The following KCNQ1 variants were observed in gnomAD, a reference collection of about 807,000 sequenced individuals.
The protein encoded by KCNQ1 is potassium voltage-gated channel subfamily Q member 1, also known as potassium voltage-gated channel subfamily KQT member 1.
Under a neutral mutation model 72.4 loss-of-function variants are expected in KCNQ1, and 49 were observed. The observed-to-expected ratio is 0.68, with a 90% CI of 0.54 to 0.86. The LOEUF (loss-of-function observed/expected upper bound fraction) is 0.86, where lower values mean the gene tolerates loss of function less well. Ranked by LOEUF, KCNQ1 falls within the 40% of genes least tolerant of loss-of-function variation. The pLI is 0.00. For synonymous variants in KCNQ1, 450 were observed against 412.6 expected (o/e 1.09, Z -1.10); for missense variants, 790 against 945.1 (o/e 0.84, Z 2.15).
In KCNQ1 at chr11:2,471,634, G is replaced by A. The variant is rs547201278; in HGVS notation, c.386+26150G>A. Among the ~76,000 whole-genome samples the A allele has an allele frequency of 4.6e-5, 7 of 151,258 alleles. No homozygotes were observed. The highest frequency in any genetic ancestry group is 7.3e-5 in the African/African-American group (3 of 41,212). ...TATATGGGTGTGTGCACGTATGCAC[G>A]GATGTGTGTACACATGTGTATGGGT... is the stretch of plus-strand genomic sequence containing the variant. On this transcript the variant is annotated intron_variant, in intron 1 of 15. Transcript: ENST00000155840. The surrounding 1 kb of genome is among the most constrained non-coding windows in gnomAD (Gnocchi z 4.8).
In KCNQ1 at chr11:2,772,299, G is replaced by A. The variant is rs1256822331; in HGVS notation, c.1590+3380G>A. Among the ~76,000 whole-genome samples, 8 of 152,116 alleles carry A rather than the reference G, an allele frequency of 5.3e-5. No individual in the cohort carries two copies. Among genetic ancestry groups the A allele is most frequent in the Non-Finnish European group, 1.0e-4 (7 of 68,016 alleles). Reference sequence around the variant, plus strand: ...AGGTGACCCCTCTGCCTACCTTGCTGGCTGATAAGTCCTTGGCCAACCACC... The same window carrying A: ...AGGTGACCCCTCTGCCTACCTTGCTAGCTGATAAGTCCTTGGCCAACCACC... On this transcript the variant is annotated intron_variant, in intron 12 of 15. Transcript: ENST00000155840. This position sits in a 1 kb window ranked among gnomAD's most constrained non-coding sequence, Gnocchi z 6.6.
intron 11 of KCNQ1, among the ~76,000 whole-genome samples, chr11:2,732,322 G>A (rs374087593): frequency 9.2e-5 from 14 of 152,156 alleles, no homozygotes; most frequent in African/African-American, 2.2e-4. Flanking sequence ...AAGCTGCCCC[G>A]TGGGCACTGC....
At position 2,782,914 on chromosome 11, in the gene KCNQ1, C is replaced by T. The variant is rs1846848316; in HGVS notation, c.1794+4877C>T. ...TCTCTATTGTGATTTTGTTTTGTTT[C>T]ATTCACTTCTGTTTATTTTATTCCT... is the stretch of plus-strand genomic sequence containing the variant. On this transcript the variant is annotated intron_variant, in intron 15 of 15. Transcript: ENST00000155840. The surrounding 1 kb of genome is among the most constrained non-coding windows in gnomAD (Gnocchi z 6.1). Among the ~76,000 whole-genome samples, 1 of 151,928 alleles carries T rather than the reference C, an allele frequency of 6.6e-6. No individual in the cohort carries two copies. The highest frequency in any genetic ancestry group is 1.5e-5 in the Non-Finnish European group (1 of 67,944).
Position 2,588,598 on chromosome 11 carries a change from C to A in KCNQ1, c.1252-115C>A. On this transcript the variant is annotated intron_variant, in intron 9 of 15. Coordinates refer to ENST00000155840, the MANE Select transcript of KCNQ1 (RefSeq NM_000218.3). This position sits in a 1 kb window ranked among gnomAD's most constrained non-coding sequence, Gnocchi z 5.6. ...TGGCCCCAGGCCTCAGGTCCCTGTC[C>A]GGGTGTATGTGGCGGGGGCTGGGCT... is the stretch of plus-strand genomic sequence containing the variant. 1 of 1,293,068 alleles carries A rather than the reference C, an allele frequency of 7.7e-7. No individual in the cohort carries two copies. The highest frequency in any genetic ancestry group is 1.1e-6 in the Non-Finnish European group (1 of 909,472). The allele number at this position is 1,293,068 out of a possible 1,614,324, so 80.1% of individuals were successfully genotyped here.
intron 7 of KCNQ1, among the ~76,000 whole-genome samples, chr11:2,584,057 C>T (rs576869112): frequency 1.3e-5 from 2 of 151,850 alleles, no homozygotes; most frequent in Non-Finnish European, 2.9e-5. Flanking sequence ...TTTTATGTTA[C>T]CTGTATACTA....
chr11:2,508,383 G>T lies in KCNQ1; in HGVS notation c.387-19545G>T, dbSNP rs1348022098. Among the ~76,000 whole-genome samples the T allele has an allele frequency of 6.6e-6, 1 of 152,168 alleles. No individual in the cohort carries two copies. ...GGCTTGGCAGGGCAAGCTTTGGGGA[G>T]CACTGTCCAGACAGTGCCCTGGACA... On this transcript the variant is annotated intron_variant, in intron 1 of 15. Transcript: ENST00000155840. This position sits in a 1 kb window ranked among gnomAD's most constrained non-coding sequence, Gnocchi z 6.2.
rs991113061 is a variant in KCNQ1 at position 2,547,806 on chromosome 11, G to A, written c.477+19788G>A. ...GAGGGGCGGCAGTTCTCAGTGGAGC[G>A]GCCGGGCTGCGAGTCTCTGTATGGA... On this transcript the variant is annotated intron_variant, in intron 2 of 15. Coordinates refer to ENST00000155840, the MANE Select transcript of KCNQ1 (RefSeq NM_000218.3). The surrounding 1 kb of genome is among the most constrained non-coding windows in gnomAD (Gnocchi z 4.2). Among the ~76,000 whole-genome samples the A allele has an allele frequency of 3.3e-5, 5 of 152,176 alleles. No homozygotes were observed. The highest frequency in any genetic ancestry group is 7.2e-5 in the African/African-American group (3 of 41,430).
rs777019472 is a variant in KCNQ1, at chr11:2,461,677, G to A, written c.386+16193G>A. On this transcript the variant is annotated intron_variant, in intron 1 of 15. Coordinates refer to ENST00000155840, the MANE Select transcript of KCNQ1 (RefSeq NM_000218.3). Reference sequence around the variant, plus strand: ...TGGCTGCTGTGGACCCTGGGAAAGAGCCTGTGCTTCCTGAGCCAGTGCGGG... The same window carrying A: ...TGGCTGCTGTGGACCCTGGGAAAGAACCTGTGCTTCCTGAGCCAGTGCGGG... 4.4e-6 allele frequency: 6 copies of A among 1,367,176 alleles called. No homozygotes were observed. The East Asian group carries it at 2.3e-4, about 52-fold the overall frequency. The allele number at this position is 1,367,176 out of a possible 1,614,324, so 84.7% of individuals were successfully genotyped here. A position where few individuals can be genotyped will look rare whatever the true frequency, so the allele number is the denominator to read the frequency against.
At chr11:2,558,048 C>T (rs992758290) in intron 2 of KCNQ1, among the ~76,000 whole-genome samples, 1 of 152,180 alleles carries the variant, frequency 6.6e-6, no homozygotes, top group African/African-American at 2.4e-5. Context: ...AAATCCCTTA[C>T]CTATTTGGGA....
intron 11 of KCNQ1, among the ~76,000 whole-genome samples, chr11:2,744,984 G>A (rs1203251345): frequency 1.4e-4 from 22 of 152,040 alleles, no homozygotes; most frequent in Admixed American, 1.2e-3. Flanking sequence ...CTCCCTCTTT[G>A]CACTGATAGT....
At chr11:2,837,442 G>A (rs1019056447) in intron 15 of KCNQ1, among the ~76,000 whole-genome samples, 11 of 152,234 alleles carry the variant, frequency 7.2e-5, no homozygotes, top group Non-Finnish European at 1.3e-4. Flanking sequence ...CCCCCAGGCT[G>A]CACTGTGCCA....
Position 2,711,883 on chromosome 11 carries a change from A to G in KCNQ1, c.1514+49802A>G, listed in dbSNP as rs544665149. ...AGGGGAGGCAGAGTTGGCTCACGGG[A>G]AAGGCTGGCCCTGAGGCATGGCAGG... is the stretch of plus-strand genomic sequence containing the variant. On this transcript the variant is annotated intron_variant, in intron 11 of 15. Coordinates refer to ENST00000155840, the MANE Select transcript of KCNQ1 (RefSeq NM_000218.3). The surrounding 1 kb of genome is among the most constrained non-coding windows in gnomAD (Gnocchi z 5.4). 6.6e-6 allele frequency among the ~76,000 whole-genome samples: 1 copy of G among 152,188 alleles called. No individual in the cohort carries two copies. The highest frequency in any genetic ancestry group is 1.9e-4 in the East Asian group (1 of 5,160).
chr11:2,832,374 G>T (rs1847969939), intron 15 of KCNQ1, among the ~76,000 whole-genome samples: 1 of 152,174 alleles, frequency 6.6e-6, no homozygotes, highest in Admixed American at 6.5e-5. Flanking sequence ...CTAGGACAGG[G>T]TGCCTGTGTC....
In KCNQ1 at chr11:2,604,601, GT is replaced by G. The variant is rs1564830973; in HGVS notation, c.1393+15748del. Reference sequence around the variant, plus strand: ...TGCTCTGTCGCCAGGCTGGAGTGCAGTGGCGCGATCTGAGCTCACTGCAACC... The same window carrying G: ...TGCTCTGTCGCCAGGCTGGAGTGCAGGGCGCGATCTGAGCTCACTGCAACC... On this transcript the variant is annotated intron_variant, in intron 10 of 15. Coordinates refer to ENST00000155840, the MANE Select transcript of KCNQ1 (RefSeq NM_000218.3). Among the ~76,000 whole-genome samples the G allele has an allele frequency of 4.2e-3, 634 of 152,048 alleles. 1 individual carries two copies. The highest frequency in any genetic ancestry group is 0.014 in the African/African-American group (573 of 41,500).
At chr11:2,794,981 G>A (rs556599316) in intron 15 of KCNQ1, among the ~76,000 whole-genome samples, 62 of 152,318 alleles carry the variant, frequency 4.1e-4, no homozygotes, top group Non-Finnish European at 6.9e-4. Context: ...TGTGCGGGGA[G>A]GAAGGCAAGC....
chr11:2,739,385 CCTAT>C (rs1330311543), intron 11 of KCNQ1, among the ~76,000 whole-genome samples: 5 of 152,308 alleles, frequency 3.3e-5, no homozygotes, highest in African/African-American at 1.2e-4. Context: ...TTGTTTCTGC[CCTAT>C]CTGTGGTTCC....
Position 2,617,587 on chromosome 11 carries a change from G to A in KCNQ1, c.1393+28733G>A. ...TCTTTGGGAATATACCTAGAAGAGGGATTAGTGGGTCAGATGATAGTATAT... is the reference window on the plus strand; with the variant it reads ...TCTTTGGGAATATACCTAGAAGAGGAATTAGTGGGTCAGATGATAGTATAT... On this transcript the variant is annotated intron_variant, in intron 10 of 15. Transcript: ENST00000155840. This position sits in a 1 kb window ranked among gnomAD's most constrained non-coding sequence, Gnocchi z 4.6. 1 of 398,372 alleles carries A rather than the reference G, an allele frequency of 2.5e-6. No homozygotes were observed. Among genetic ancestry groups the A allele is most frequent in the East Asian group, 3.6e-5 (1 of 28,058 alleles). 24.7% of individuals were successfully genotyped at this position (398,372 alleles called of 1,614,324 possible). A position where few individuals can be genotyped will look rare whatever the true frequency, so the allele number is the denominator to read the frequency against.
intron 15 of KCNQ1, among the ~76,000 whole-genome samples, chr11:2,794,196 T>C (rs1415025354): frequency 6.6e-6 from 1 of 152,074 alleles, no homozygotes; most frequent in East Asian, 1.9e-4. Context: ...AGGGAGAGCA[T>C]CAGCACTTTG....
chr11:2,608,268 C>T lies in KCNQ1; in HGVS notation c.1393+19414C>T. On this transcript the variant is annotated intron_variant, in intron 10 of 15. Coordinates refer to ENST00000155840, the MANE Select transcript of KCNQ1 (RefSeq NM_000218.3). The surrounding 1 kb of genome is among the most constrained non-coding windows in gnomAD (Gnocchi z 4.6). The stretch of plus-strand genomic sequence containing the variant: ...GGCTTTTCTTTTCAACTAGTGTTCT[C>T]ATAACTAATTCAATCTCTTTAACTT... 2.5e-6 allele frequency: 1 copy of T among 397,392 alleles called. No individual in the cohort carries two copies. Among genetic ancestry groups the T allele is most frequent in the Non-Finnish European group, 4.4e-6 (1 of 225,746 alleles). 24.6% of individuals were successfully genotyped at this position (397,392 alleles called of 1,614,324 possible).
Sources: gnomAD v4.1 joint callset for allele counts (sites outside exome capture counted in the v4.1 genomes callset) on GRCh38, gnomAD v4.1.1 for gene constraint, Gnocchi (gnomAD v3.1) non-coding constraint, MANE v1.5 for transcripts, NCBI Gene and HGNC (gene_info 2026-07-23, HGNC 2026-07-21) for gene names.